WWOX: variants seen among roughly 807,000 people sequenced by gnomAD.
WWOX encodes the protein WW domain containing oxidoreductase.
Under a neutral mutation model 46.2 loss-of-function variants are expected in WWOX, and 69 were observed. The observed-to-expected ratio is 1.49, with a 90% CI of 1.23 to 1.82. The LOEUF (loss-of-function observed/expected upper bound fraction) is 1.82, where lower values mean the gene tolerates loss of function less well. Among genes scored for constraint, WWOX ranks in the 40% most tolerant of loss-of-function variants. The pLI is 0.00. For synonymous variants in WWOX, 359 were observed against 202.6 expected, an observed-to-expected ratio of 1.77 and a Z score of -6.56; for missense variants, 919 against 542.6, an observed-to-expected ratio of 1.69 and a Z score of -6.89.
At chr16:78,148,681 A>G (rs2034293065) in intron 4 of WWOX, among the ~76,000 whole-genome samples, 1 of 151,690 alleles carries the variant, frequency 6.6e-6, no homozygotes, top group Non-Finnish European at 1.5e-5. Flanking sequence ...GTAGATCACG[A>G]GGTCAGGAGA....
intron 8 of WWOX, among the ~76,000 whole-genome samples, chr16:78,727,916 T>C (rs1291226005): frequency 6.6e-6 from 1 of 152,184 alleles, no homozygotes; most frequent in Non-Finnish European, 1.5e-5. Context: ...TTTGTTTATC[T>C]GGGTCATTTT....
At chr16:79,209,857 G>A (rs1363297947) in intron 8 of WWOX, among the ~76,000 whole-genome samples, 3 of 152,108 alleles carry the variant, frequency 2.0e-5, no homozygotes, top group Non-Finnish European at 4.4e-5. Flanking sequence ...AGGGTTATTA[G>A]GAATAATAAT....
chr16:79,068,397 G>C (rs892767182), intron 8 of WWOX, among the ~76,000 whole-genome samples: 6 of 152,022 alleles, frequency 3.9e-5, no homozygotes, highest in African/African-American at 1.4e-4. Context: ...ACTTAAACCC[G>C]TGTTCCTGAG....
At chr16:78,978,851 C>T (rs1341237007) in intron 8 of WWOX, among the ~76,000 whole-genome samples, 1 of 152,196 alleles carries the variant, frequency 6.6e-6, no homozygotes, top group Non-Finnish European at 1.5e-5. Flanking sequence ...CCACCTCCAA[C>T]ACTGGGGATT....
intron 8 of WWOX, among the ~76,000 whole-genome samples, chr16:78,676,398 T>G (rs903252678): frequency 1.4e-5 from 2 of 141,842 alleles, no homozygotes; most frequent in East Asian, 2.0e-4. Context: ...CCCTCCATAT[T>G]TACTATTTTT....
At chr16:78,885,965 C>T (rs943494957) in intron 8 of WWOX, among the ~76,000 whole-genome samples, 4 of 139,750 alleles carry the variant, frequency 2.9e-5, no homozygotes, top group African/African-American at 7.8e-5. Flanking sequence ...TGCTCTGTTG[C>T]CCAGGCTGGA....
At chr16:78,909,766 G>A (rs7184151) in intron 8 of WWOX, among the ~76,000 whole-genome samples, 93,209 of 152,138 alleles carry the variant, frequency 0.61, 29,081 homozygotes, top group Non-Finnish European at 0.69. Context: ...TGTTCCATGC[G>A]TCAACTTAGT....
At chr16:78,513,840 A>C (rs376772719) in intron 8 of WWOX, among the ~76,000 whole-genome samples, 24 of 151,810 alleles carry the variant, frequency 1.6e-4, no homozygotes, top group Non-Finnish European at 2.8e-4. Context: ...TCAACCTTAC[A>C]GGGAACACTT....
At chr16:78,721,009 A>G (rs1044570659) in intron 8 of WWOX, among the ~76,000 whole-genome samples, 1 of 152,102 alleles carries the variant, frequency 6.6e-6, no homozygotes, top group Admixed American at 6.6e-5. Flanking sequence ...TCAGCTGGTG[A>G]ATTTACTATT....
At chr16:79,019,157 C>CAAAAAAAAAAAAAAAAAAAA (rs903333994) in intron 8 of WWOX, among the ~76,000 whole-genome samples, 14 of 24,568 alleles carry the variant, frequency 5.7e-4, no homozygotes, top group Admixed American at 9.1e-4. Context: ...GACCTTGTCT[C>CAAAAAAAAAAAAAAAAAAAA]AAAAAAAAAA....
chr16:78,969,796 G>T (rs1006314517), intron 8 of WWOX, among the ~76,000 whole-genome samples: 1 of 152,124 alleles, frequency 6.6e-6, no homozygotes, highest in African/African-American at 2.4e-5. Flanking sequence ...CCCCAAAGAG[G>T]CAAATCTGCA....
intron 8 of WWOX, among the ~76,000 whole-genome samples, chr16:78,942,501 T>TC (rs575314142): frequency 1.5e-3 from 223 of 152,208 alleles, no homozygotes; most frequent in African/African-American, 5.1e-3. Context: ...AAAAATTGAT[T>TC]CCCGTAGCTC....
intron 8 of WWOX, among the ~76,000 whole-genome samples, chr16:78,959,527 C>G (rs12925319): frequency 0.29 from 43,526 of 152,032 alleles, 7,615 homozygotes; most frequent in Non-Finnish European, 0.39. Context: ...ATTCATCCAC[C>G]TGTTCATCCA....
At chr16:79,162,127 C>T (rs891562258) in intron 8 of WWOX, among the ~76,000 whole-genome samples, 1 of 152,174 alleles carries the variant, frequency 6.6e-6, no homozygotes, top group Non-Finnish European at 1.5e-5. Flanking sequence ...GTGTTCCTAC[C>T]TGTGAGTAAA....
At position 78,908,568 on chromosome 16, in the gene WWOX, C is replaced by T. The variant is rs192610082; in HGVS notation, c.1057-303040C>T. ...AAAAAAAAAAAGAGTTTAATTCATG[C>T]AGAGCTGGCTGTGTGGGAGACCAGA... On this transcript the variant is annotated intron_variant, in intron 8 of 8. Transcript: ENST00000566780. Among the ~76,000 whole-genome samples, 690 of 150,614 alleles carry T rather than the reference C, an allele frequency of 4.6e-3. 1 individual carries two copies. Among genetic ancestry groups the T allele is most frequent in the Non-Finnish European group, 8.2e-3 (554 of 67,770 alleles).
intron 8 of WWOX, among the ~76,000 whole-genome samples, chr16:78,656,396 G>A (rs544098231): frequency 6.6e-6 from 1 of 152,178 alleles, no homozygotes; most frequent in African/African-American, 2.4e-5. Context: ...ATAAAGAAAA[G>A]AGGTTTAATT....
At chr16:78,920,792 G>T (rs984115645) in intron 8 of WWOX, among the ~76,000 whole-genome samples, 1 of 152,170 alleles carries the variant, frequency 6.6e-6, no homozygotes, top group African/African-American at 2.4e-5. Flanking sequence ...CGCTGAGCAT[G>T]AAAATAAAAT....
intron 8 of WWOX, among the ~76,000 whole-genome samples, chr16:78,641,310 G>T (rs968320049): frequency 1.3e-5 from 2 of 151,952 alleles, no homozygotes; most frequent in Non-Finnish European, 2.9e-5. Flanking sequence ...ATGACAATAG[G>T]ACCCATCCTG....
At chr16:78,743,228 T>G (rs2049273101) in intron 8 of WWOX, among the ~76,000 whole-genome samples, 1 of 152,132 alleles carries the variant, frequency 6.6e-6, no homozygotes, top group African/African-American at 2.4e-5. Flanking sequence ...GCAAAAGCCA[T>G]CTTATCTCTC....
Sources: gnomAD v4.1 joint callset for allele counts (sites outside exome capture counted in the v4.1 genomes callset) on GRCh38, gnomAD v4.1.1 for gene constraint, MANE v1.5 for transcripts, NCBI Gene and HGNC (gene_info 2026-07-23, HGNC 2026-07-21) for gene names.